The following NELL1 variants were observed in gnomAD, a reference collection of about 807,000 sequenced individuals.
The protein encoded by NELL1 is protein kinase C-binding protein NELL1.
Under a neutral mutation model 107.4 loss-of-function variants are expected in NELL1, and 76 were observed. The ratio of observed to expected loss-of-function variants is 0.71; its 90% CI spans 0.59 to 0.86. The LOEUF (loss-of-function observed/expected upper bound fraction) is 0.86, where lower values mean the gene tolerates loss of function less well. Among genes scored for constraint, NELL1 ranks in the 40% least tolerant of loss-of-function variants. The probability of loss-of-function intolerance (pLI) is 0.00; values close to 1 mark genes in which losing one functional copy is unlikely to be tolerated. For missense variants in NELL1, 1,024 were observed against 1,005.5 expected (o/e 1.02, Z -0.25); for synonymous variants, 353 against 341.2 (o/e 1.03, Z -0.38).
intron 10 of NELL1, among the ~76,000 whole-genome samples, chr11:20,939,100 T>A (rs1014512508): frequency 4.6e-5 from 7 of 151,782 alleles, no homozygotes; most frequent in African/African-American, 1.7e-4. Context: ...TTGAAGGCAG[T>A]GATAGTGAAG....
chr11:21,441,332 TGTGTGTGTGTGTGTGTGTGTGTG>T (rs1853279292), intron 15 of NELL1, among the ~76,000 whole-genome samples: 80 of 104,196 alleles, frequency 7.7e-4, no homozygotes, highest in Non-Finnish European at 1.3e-3. Context: ...GGCTGTGACG[TGTGTGTGTGTGTGTGTGTGTGTG>T]TGTGTGTGTG....
chr11:20,883,361 T>A (rs1281443425), intron 4 of NELL1, among the ~76,000 whole-genome samples: 1 of 152,234 alleles, frequency 6.6e-6, no homozygotes, highest in Non-Finnish European at 1.5e-5. Flanking sequence ...ATCTCTTTGA[T>A]TGTTTTTTCC....
intron 3 of NELL1, among the ~76,000 whole-genome samples, chr11:20,784,620 G>A (rs1856917591): frequency 6.6e-6 from 1 of 152,172 alleles, no homozygotes. Context: ...AACTTGTACT[G>A]AAGTCCCCTA....
At position 20,952,288 on chromosome 11, in the gene NELL1, C is replaced by T. The variant is rs539608928; in HGVS notation, c.1171+4853C>T. Among the ~76,000 whole-genome samples the T allele has an allele frequency of 2.1e-4, 32 of 152,190 alleles. No individual in the cohort carries two copies. In the East Asian group the frequency reaches 4.1e-3, roughly 19 times the overall value. ...TTCTTTCCGACATCTGTTCCAAATG[C>T]GTTTATCTGTAATTTTAATTCAGGC... is the stretch of plus-strand genomic sequence containing the variant. On this transcript the variant is annotated intron_variant, in intron 11 of 19. Transcript: ENST00000357134.
rs538405607 is a variant in NELL1, at chr11:20,986,171, C to G, written c.1300+25611C>G. The stretch of plus-strand genomic sequence containing the variant: ...GCTCCCTTTTGTGATACACCCAGCC[C>G]TCTTTACAAGCCAGGGAGCCTTCAG... On this transcript the variant is annotated intron_variant, in intron 12 of 19. Transcript: ENST00000357134. 3.3e-5 allele frequency among the ~76,000 whole-genome samples: 5 copies of G among 152,158 alleles called. No homozygotes were observed. In the South Asian group the frequency reaches 8.3e-4, roughly 25 times the overall value.
intron 14 of NELL1, among the ~76,000 whole-genome samples, chr11:21,359,016 G>A (rs1444092463): frequency 6.6e-6 from 1 of 152,102 alleles, no homozygotes; most frequent in Non-Finnish European, 1.5e-5. Context: ...GCACTATGTT[G>A]AATAGAAGTG....
chr11:20,695,363 C>T (rs1031687859), intron 2 of NELL1, among the ~76,000 whole-genome samples: 18 of 152,084 alleles, frequency 1.2e-4, no homozygotes, highest in African/African-American at 4.3e-4. Flanking sequence ...GACATCTTTG[C>T]CTGTTCCATT....
chr11:21,097,422 A>G (rs1415193728), intron 12 of NELL1, among the ~76,000 whole-genome samples: 1 of 152,156 alleles, frequency 6.6e-6, no homozygotes, highest in Non-Finnish European at 1.5e-5. Context: ...GGGTTTTTAT[A>G]TCCTGGACGC....
intron 13 of NELL1, among the ~76,000 whole-genome samples, chr11:21,150,653 AT>A: frequency 6.6e-6 from 1 of 152,162 alleles, no homozygotes. Flanking sequence ...TTGTCTGTAC[AT>A]TTGAATCATC....
intron 16 of NELL1, among the ~76,000 whole-genome samples, chr11:21,549,938 G>C (rs1003340300): frequency 3.3e-5 from 5 of 151,662 alleles, no homozygotes; most frequent in African/African-American, 1.2e-4. Context: ...GAGTGAGGCA[G>C]GGGCTTCAAC....
intron 14 of NELL1, among the ~76,000 whole-genome samples, chr11:21,344,610 G>A (rs945338244): frequency 1.3e-5 from 2 of 152,102 alleles, no homozygotes; most frequent in Non-Finnish European, 2.9e-5. Flanking sequence ...GGGATAGATG[G>A]TATAAAGAGG....
At chr11:21,273,374 A>G (rs1235214203) in intron 14 of NELL1, among the ~76,000 whole-genome samples, 5 of 152,310 alleles carry the variant, frequency 3.3e-5, no homozygotes, top group South Asian at 4.1e-4. Flanking sequence ...AAAGAAACGA[A>G]CAAAGCCTCC....
At chr11:21,536,433 T>C (rs1250670163) in intron 16 of NELL1, among the ~76,000 whole-genome samples, 1 of 152,188 alleles carries the variant, frequency 6.6e-6, no homozygotes, top group East Asian at 1.9e-4. Context: ...GATTCACATA[T>C]GAATTTCATT....
At chr11:20,726,420 C>T (rs1009287784) in intron 2 of NELL1, among the ~76,000 whole-genome samples, 2 of 151,740 alleles carry the variant, frequency 1.3e-5, no homozygotes, top group African/African-American at 2.4e-5. Flanking sequence ...ATACAATATA[C>T]CAGCACCCTA....
intron 12 of NELL1, among the ~76,000 whole-genome samples, chr11:21,052,987 G>A (rs1022162215): frequency 1.3e-5 from 2 of 152,024 alleles, no homozygotes; most frequent in Non-Finnish European, 2.9e-5. Flanking sequence ...CTTGAAGGGA[G>A]ATAGACACTC....
intron 12 of NELL1, among the ~76,000 whole-genome samples, chr11:21,040,625 T>A (rs1853206963): frequency 6.6e-6 from 1 of 152,184 alleles, no homozygotes; most frequent in African/African-American, 2.4e-5. Flanking sequence ...CTGGATTTTC[T>A]CCATCAGTAT....
chr11:21,183,317 A>G (rs1856867233), intron 13 of NELL1, among the ~76,000 whole-genome samples: 2 of 151,988 alleles, frequency 1.3e-5, no homozygotes, highest in South Asian at 4.1e-4. Context: ...GAGGTGCATA[A>G]TAAATGATTG....
At chr11:20,694,494 T>G (rs1181512448) in intron 2 of NELL1, among the ~76,000 whole-genome samples, 1 of 152,146 alleles carries the variant, frequency 6.6e-6, no homozygotes, top group East Asian at 1.9e-4. Flanking sequence ...GGCTGGTCAG[T>G]TATCCCAGCA....
chr11:21,041,294 A>T (rs1853224406), intron 12 of NELL1, among the ~76,000 whole-genome samples: 1 of 152,182 alleles, frequency 6.6e-6, no homozygotes, highest in African/African-American at 2.4e-5. Flanking sequence ...AGTCGCTTTG[A>T]GTTAACACAA....
Sources: allele counts gnomAD v4.1 joint callset (sites outside exome capture counted in the v4.1 genomes callset), GRCh38; gene constraint gnomAD v4.1.1; transcripts MANE v1.5; gene names NCBI Gene and HGNC (gene_info 2026-07-23, HGNC 2026-07-21).